The following PDGFD variants were observed in gnomAD, a reference collection of about 807,000 sequenced individuals.
The protein encoded by PDGFD is platelet derived growth factor D.
A neutral mutation model predicts 44.7 loss-of-function variants in PDGFD; 30 were observed. The observed-to-expected ratio is 0.67, with a 90% CI of 0.50 to 0.91. The LOEUF is 0.91. PDGFD is among the 40% of genes least tolerant of loss of function. The pLI, the probability that PDGFD is intolerant of heterozygous loss-of-function variation, is 0.00. For synonymous variants in PDGFD, 173 were observed against 168.4 expected (o/e 1.03, Z -0.21); for missense variants, 445 against 457.8 (o/e 0.97, Z 0.25).
At chr11:104,008,871 AATAGTACAT>A (rs1193175202) in intron 1 of PDGFD, among the ~76,000 whole-genome samples, 3 of 152,106 alleles carry the variant, frequency 2.0e-5, no homozygotes, top group Admixed American at 2.0e-4. Flanking sequence ...GTTAACTACA[AATAGTACAT>A]ATTATATATG....
At chr11:103,941,522 G>A (rs113535564) in intron 5 of PDGFD, among the ~76,000 whole-genome samples, 78 of 152,136 alleles carry the variant, frequency 5.1e-4, no homozygotes, top group African/African-American at 1.8e-3. Flanking sequence ...TTTTGAACAC[G>A]TATCAAGTGT....
chr11:103,931,910 G>T (rs991612921), intron 5 of PDGFD, among the ~76,000 whole-genome samples: 1 of 152,122 alleles, frequency 6.6e-6, no homozygotes, highest in Admixed American at 6.6e-5. Context: ...TTACCACATG[G>T]TGATGGCATG....
At chr11:104,103,899 T>A (rs1342688367) in intron 1 of PDGFD, among the ~76,000 whole-genome samples, 2 of 152,086 alleles carry the variant, frequency 1.3e-5, no homozygotes, top group Admixed American at 1.3e-4. Context: ...ATATTTTTTT[T>A]AAAGTTAACT....
chr11:104,029,140 T>G (rs1860088827), intron 1 of PDGFD, among the ~76,000 whole-genome samples: 1 of 152,170 alleles, frequency 6.6e-6, no homozygotes, highest in African/African-American at 2.4e-5. Flanking sequence ...GCCACATCTT[T>G]CAGAATAGAG....
chr11:103,926,980 C>G lies in PDGFD; in HGVS notation c.919G>C (p.Gly307Arg). ...LLVQRCGGNC[G>R]CGTVNWRSCT... is the part of the protein sequence containing the mutation. ...GACCTCCAGTTGACAGTTCCACAGC[C>G]ACAATTTCCTCCACAGCGCTGCACG... The change falls in exon 6 of 7, where the codon GGC (glycine) becomes CGC (arginine). Residue 307 changes from glycine to arginine, a missense_variant. Transcript: ENST00000393158. 2 of 1,614,204 alleles carry G rather than the reference C, an allele frequency of 1.2e-6. No individual in the cohort carries two copies. Among genetic ancestry groups the G allele is most frequent in the Non-Finnish European group, 1.7e-6 (2 of 1,180,030 alleles).
chr11:103,974,285 G>T (rs1411708413), intron 3 of PDGFD, among the ~76,000 whole-genome samples: 1 of 152,030 alleles, frequency 6.6e-6, no homozygotes, highest in Non-Finnish European at 1.5e-5. Flanking sequence ...TCATCAAGAT[G>T]GGATGGGGAC....
chr11:104,084,663 T>C (rs2134431822), intron 1 of PDGFD, among the ~76,000 whole-genome samples: 1 of 146,794 alleles, frequency 6.8e-6, no homozygotes, highest in Non-Finnish European at 1.5e-5. Flanking sequence ...TTTGTAATTA[T>C]ATAAATTATG....
chr11:104,108,077 C>T (rs540210807), intron 1 of PDGFD, among the ~76,000 whole-genome samples: 1 of 152,070 alleles, frequency 6.6e-6, no homozygotes, highest in South Asian at 2.1e-4. Context: ...TTAAATCATT[C>T]ACTCATTTTA....
chr11:104,071,025 C>T (rs1860866692), intron 1 of PDGFD, among the ~76,000 whole-genome samples: 2 of 152,018 alleles, frequency 1.3e-5, no homozygotes, highest in Admixed American at 6.6e-5. Flanking sequence ...ATGAAAATGC[C>T]TGCTCCCTCA....
chr11:104,133,819 G>C (rs1244668520), intron 1 of PDGFD, among the ~76,000 whole-genome samples: 1 of 152,136 alleles, frequency 6.6e-6, no homozygotes, highest in East Asian at 1.9e-4. Flanking sequence ...AAGAGGCTCT[G>C]TAACGTGCTA....
intron 5 of PDGFD, among the ~76,000 whole-genome samples, chr11:103,936,085 A>G (rs1858484071): frequency 6.6e-6 from 1 of 152,212 alleles, no homozygotes; most frequent in African/African-American, 2.4e-5. Flanking sequence ...ATGGTTCAGG[A>G]AACTCAATGA....
intron 1 of PDGFD, among the ~76,000 whole-genome samples, chr11:104,046,152 G>A (rs12791352): frequency 0.024 from 3,568 of 147,338 alleles, 443 homozygotes; most frequent in Middle Eastern, 0.058. Flanking sequence ...ATAAAACAAG[G>A]GTATATCTGA....
intron 3 of PDGFD, among the ~76,000 whole-genome samples, chr11:103,969,486 T>TG (rs956335393): frequency 4.0e-5 from 6 of 148,374 alleles, no homozygotes; most frequent in African/African-American, 1.2e-4. Flanking sequence ...TTTTTTTTTT[T>TG]TTTTTTTTTT....
At chr11:104,116,882 T>C (rs1419535382) in intron 1 of PDGFD, among the ~76,000 whole-genome samples, 5 of 151,950 alleles carry the variant, frequency 3.3e-5, no homozygotes, top group Admixed American at 3.3e-4. Context: ...CTCTTGCTGC[T>C]GCCATGTAAG....
chr11:103,976,050 G>T (rs1364332554), intron 3 of PDGFD, among the ~76,000 whole-genome samples: 1 of 152,110 alleles, frequency 6.6e-6, no homozygotes, highest in East Asian at 1.9e-4. Flanking sequence ...ATGATAGCTT[G>T]ATGGGAATAG....
chr11:104,121,542 T>TA (rs1212704600), intron 1 of PDGFD, among the ~76,000 whole-genome samples: 4 of 151,968 alleles, frequency 2.6e-5, no homozygotes, highest in African/African-American at 9.7e-5. Context: ...TGGAACATAG[T>TA]AAAAAATGAA....
intron 1 of PDGFD, among the ~76,000 whole-genome samples, chr11:104,153,046 T>G (rs960598395): frequency 6.6e-6 from 1 of 152,182 alleles, no homozygotes; most frequent in East Asian, 1.9e-4. Context: ...ACATCAATGT[T>G]GCACAAGCTC....
Position 104,132,540 on chromosome 11 carries a change from C to A in PDGFD, c.124+31264G>T, listed in dbSNP as rs1861939902. ...TCCTGGCATCTACTACTTGCATTAT[C>A]TTTTCAAGTTACTTGTGTTCTTCAT... On this transcript the variant is annotated intron_variant, in intron 1 of 6. Coordinates refer to ENST00000393158, the MANE Select transcript of PDGFD (RefSeq NM_025208.5). Among the ~76,000 whole-genome samples the A allele has an allele frequency of 2.0e-5, 3 of 151,996 alleles. 1 individual carries two copies. In the South Asian group the frequency reaches 6.2e-4, roughly 31 times the overall value.
intron 5 of PDGFD, among the ~76,000 whole-genome samples, chr11:103,929,675 A>G (rs1858370403): frequency 6.6e-6 from 1 of 152,204 alleles, no homozygotes; most frequent in Non-Finnish European, 1.5e-5. Flanking sequence ...GGCGATTGAA[A>G]TCACCGAGGC....
Sources: allele counts gnomAD v4.1 joint callset (sites outside exome capture counted in the v4.1 genomes callset), GRCh38; gene constraint gnomAD v4.1.1; transcripts MANE v1.5; gene names NCBI Gene and HGNC (gene_info 2026-07-23, HGNC 2026-07-21).